The following NPC1L1 variants were observed in gnomAD, a reference collection of about 807,000 sequenced individuals.
NPC1L1 encodes NPC1 like intracellular cholesterol transporter 1.
Under a neutral mutation model 117.0 loss-of-function variants are expected in NPC1L1, and 98 were observed. That is an observed-to-expected ratio of 0.84 (90% CI 0.71 to 0.99). NPC1L1 has a LOEUF of 0.99. NPC1L1 is among the 50% of genes least tolerant of loss of function. NPC1L1 has a pLI of 0.00. For missense variants in NPC1L1, 1,540 were observed against 1,710.0 expected (o/e 0.90, Z 1.75); for synonymous variants, 729 against 727.6 (o/e 1.00, Z -0.03).
chr7:44,529,144 C>T (rs1013317924), intron 10 of NPC1L1, among the ~76,000 whole-genome samples: 7 of 149,912 alleles, frequency 4.7e-5, no homozygotes, highest in African/African-American at 7.4e-5. Context: ...CACACACACA[C>T]ACACACACAC....
chr7:44,535,023 C>A (rs910106281), intron 5 of NPC1L1, among the ~76,000 whole-genome samples: 3 of 152,068 alleles, frequency 2.0e-5, no homozygotes, highest in African/African-American at 7.2e-5. Flanking sequence ...CACTTGAGCC[C>A]AGGAGTTTGA....
At chr7:44,540,389 G>T in intron 1 of NPC1L1, 47 bp from the exon 2 acceptor site, 1 of 1,560,772 alleles carries the variant, frequency 6.4e-7, no homozygotes, top group Non-Finnish European at 8.8e-7. Context: ...ACAGCTGGGT[G>T]CCATCCAGGC....
chr7:44,521,564 C>T (rs765828742), intron 12 of NPC1L1, 148 bp downstream of exon 12: 1 of 1,277,522 alleles, frequency 7.8e-7, no homozygotes, highest in Admixed American at 1.8e-5. Context: ...GAGTGCCTGT[C>T]CCTCAGGCCA....
chr7:44,528,184 C>G (rs1801584139), intron 10 of NPC1L1, among the ~76,000 whole-genome samples: 1 of 152,194 alleles, frequency 6.6e-6, no homozygotes, highest in African/African-American at 2.4e-5. Context: ...GTGGCATGAT[C>G]ATAGCTGACT....
chr7:44,541,158 C>T, intron 1 of NPC1L1, 48 bp downstream of exon 1: 1 of 1,541,468 alleles, frequency 6.5e-7, no homozygotes, highest in Non-Finnish European at 8.8e-7. Flanking sequence ...GCCCCAGGGT[C>T]CCTAACTGGA....
chr7:44,517,244 G>T lies in NPC1L1; in HGVS notation c.3250C>A (p.Pro1084Thr). Residue 1084 changes from proline to threonine, a missense_variant, in exon 15 of 19, where the codon CCT becomes ACT. Physicochemically the swap from Pro to Thr is conservative, Grantham distance 38. This residue lies in a region of NPC1L1 where 742 missense variants were observed against 873.6 expected (regional missense o/e 0.85). Coordinates refer to ENST00000381160, the MANE Select transcript of NPC1L1 (RefSeq NM_001101648.2). ...ANITADLRKV[P>T]GTDPAFEVFP... is the part of the protein sequence containing the mutation. ...ACCTCAAAAGCCGGGTCTGTTCCAG[G>T]CACTTTCCGCAGGTCAGCAGTGATG... is the stretch of plus-strand genomic sequence containing the variant. 1 of 1,614,118 alleles carries T rather than the reference G, an allele frequency of 6.2e-7. No homozygotes were observed. Among genetic ancestry groups the T allele is most frequent in the Admixed American group, 1.7e-5 (1 of 60,004 alleles).
chr7:44,537,045 G>A, intron 2 of NPC1L1, 103 bp from the exon 3 acceptor site: 1 of 880,610 alleles, frequency 1.1e-6, no homozygotes, highest in Non-Finnish European at 1.7e-6. Context: ...CACTATGGAG[G>A]GTGAGCTGGT....
At position 44,540,295 on chromosome 7, in the gene NPC1L1, G is replaced by A. The variant is rs147062226; in HGVS notation, c.102C>T (p.Ala34=). 46 of 1,613,928 alleles carry A rather than the reference G, an allele frequency of 2.9e-5. No individual in the cohort carries two copies. Among genetic ancestry groups the A allele is most frequent in the Non-Finnish European group, 3.8e-5 (45 of 1,180,028 alleles). ...YTTIHQPGYC[A]FYDECGKNPE... ...GGTTCTTCCCACATTCGTCATAGAA[G>A]GCGCAGTAGCCAGGCTGGTGGATGG... The change falls in exon 2 of 19, where the codon GCC becomes GCT. Residue 34 remains alanine (A), a synonymous_variant. Transcript: ENST00000381160.
chr7:44,532,173 C>CA lies in NPC1L1; in HGVS notation c.2453dup (p.Pro819AlafsTer67). Reference sequence around the variant, plus strand: ...GCCCCTCTCCCTGGCCAGGCGGGGGCAGCTCCTGGGGCTTGACACAGCAGC... The same window carrying CA: ...GCCCCTCTCCCTGGCCAGGCGGGGGCAAGCTCCTGGGGCTTGACACAGCAGC... On this transcript the variant is annotated frameshift_variant, in exon 9 of 19. Coordinates refer to ENST00000381160, the MANE Select transcript of NPC1L1 (RefSeq NM_001101648.2). LOFTEE classifies it high-confidence loss of function. 3 of 1,614,030 alleles carry CA rather than the reference C, an allele frequency of 1.9e-6. No homozygotes were observed. Among genetic ancestry groups the CA allele is most frequent in the Non-Finnish European group, 2.5e-6 (3 of 1,180,022 alleles).
intron 10 of NPC1L1, among the ~76,000 whole-genome samples, chr7:44,530,426 A>G (rs1801662155): frequency 6.6e-6 from 1 of 152,184 alleles, no homozygotes; most frequent in East Asian, 1.9e-4. Context: ...TAAAGTTTCA[A>G]TTTTGCAAAA....
In NPC1L1 at chr7:44,521,114, A is replaced by G. The variant is rs377377936; in HGVS notation, c.2958T>C (p.Ser986=). 3.1e-6 allele frequency: 5 copies of G among 1,613,994 alleles called. No individual in the cohort carries two copies. The African/African-American group carries it at 6.7e-5, about 22-fold the overall frequency. The change falls in exon 13 of 19, where the codon TCT becomes TCC. Residue 986 remains serine, a synonymous_variant. Coordinates refer to ENST00000381160, the MANE Select transcript of NPC1L1 (RefSeq NM_001101648.2). ...TCATGCAGTTCTTTAGGCAGTTCAG[A>G]GAGTCTGCAGAGAAAGCAGGGGTCT... The part of the protein sequence containing the change: ...KDKFCPSTVN[S]LNCLKNCMSI...
At chr7:44,533,707 A>T (rs544918969) in intron 7 of NPC1L1, 32 bp downstream of exon 7, 1 of 1,610,454 alleles carries the variant, frequency 6.2e-7, no homozygotes, top group South Asian at 1.1e-5. Flanking sequence ...AGCAAGCCTA[A>T]TGCCGAGTGG....
rs183439593 is a variant in NPC1L1 at position 44,516,774 on chromosome 7, C to A, written c.3448G>T (p.Val1150Leu). The change falls in exon 16 of 19, where the codon GTG becomes TTG. Residue 1150 changes from valine (V) to leucine (L), a missense_variant. Around this residue, in one of 3 missense-constraint regions of NPC1L1, gnomAD observed 742 missense variants for 873.6 expected, o/e 0.85. Coordinates refer to ENST00000381160, the MANE Select transcript of NPC1L1 (RefSeq NM_001101648.2). ...LNLLSIVMIL[V>L]DTVGFMALWG... ...AGGGCCATGAAGCCGACAGTGTCCA[C>A]GAGGATCATGACAATGGAGAGCAGG... The A allele has an allele frequency of 8.1e-6, 13 of 1,613,762 alleles. No homozygotes were observed. Among genetic ancestry groups the A allele is most frequent in the Non-Finnish European group, 1.0e-5 (12 of 1,179,958 alleles).
chr7:44,531,994 C>T, intron 9 of NPC1L1, 86 bp downstream of exon 9: 3 of 1,600,120 alleles, frequency 1.9e-6, no homozygotes, highest in Non-Finnish European at 2.6e-6. Context: ...TGGGCCTAGG[C>T]AACCTCCCCA....
chr7:44,521,592 C>T, intron 12 of NPC1L1, 120 bp downstream of exon 12: 1 of 1,520,144 alleles, frequency 6.6e-7, no homozygotes, highest in Non-Finnish European at 9.1e-7. Context: ...ACCCATGCCC[C>T]CGACAGACCC....
rs768823782 is a variant in NPC1L1, at chr7:44,520,752, A to G, written c.3136+13T>C. On this transcript the variant is annotated intron_variant, in intron 14 of 18. Coordinates refer to ENST00000381160, the MANE Select transcript of NPC1L1 (RefSeq NM_001101648.2). ...CGATTTATGTCCTCCCCTCCAGGCA[A>G]GGCCATGCTTACCTAAAACCTGGCC... The G allele has an allele frequency of 1.4e-5, 23 of 1,613,160 alleles. No homozygotes were observed. In the African/African-American group the frequency reaches 2.5e-4, roughly 18 times the overall value.
chr7:44,530,760 G>T (rs999316934), intron 10 of NPC1L1, among the ~76,000 whole-genome samples: 41 of 152,234 alleles, frequency 2.7e-4, no homozygotes, highest in African/African-American at 9.9e-4. Context: ...TCTGCAGGTG[G>T]CAGGTTCATT....
chr7:44,534,517 A>G lies in NPC1L1; in HGVS notation c.2096T>C (p.Leu699Pro). 6.2e-7 allele frequency: 1 copy of G among 1,614,208 alleles called. No homozygotes were observed. The highest frequency in any genetic ancestry group is 2.2e-5 in the East Asian group (1 of 44,880). The part of the protein sequence containing the change: ...YLGIRSSLVI[L>P]QVVPFLVLSV... ...CAGCACCAGGAAAGGAACCACTTGC[A>G]GGATGACCAGGGAGGAGCGGATACC... Residue 699 changes from leucine (L) to proline (P), a missense_variant, in exon 6 of 19, where the codon CTG (leucine) becomes CCG (proline). By Grantham distance (98) the Leu-to-Pro change is moderately conservative (BLOSUM62 -3). Coordinates refer to ENST00000381160, the MANE Select transcript of NPC1L1 (RefSeq NM_001101648.2). This position sits in a 1 kb window ranked among gnomAD's most constrained non-coding sequence, Gnocchi z 5.2.
intron 14 of NPC1L1, among the ~76,000 whole-genome samples, chr7:44,520,287 A>T (rs1235425426): frequency 6.6e-6 from 1 of 152,054 alleles, no homozygotes; most frequent in East Asian, 1.9e-4. Context: ...CTCGAAAAAA[A>T]AAAAAGAGGG....
Sources: gnomAD v4.1 joint callset for allele counts (sites outside exome capture counted in the v4.1 genomes callset) on GRCh38, gnomAD v4.1.1 for gene constraint, gnomAD v4.1.1 regional missense constraint, Gnocchi (gnomAD v3.1) non-coding constraint, MANE v1.5 for transcripts, NCBI Gene and HGNC (gene_info 2026-07-23, HGNC 2026-07-21) for gene names.